The following XKR4 variants were observed in gnomAD, a reference collection of about 807,000 sequenced individuals.
XKR4 encodes the protein XK related 4, also known as XK-related protein 4.
XKR4 carries 12 observed loss-of-function variants against 53.9 expected under a neutral mutation model. The observed-to-expected ratio is 0.22, with a 90% CI of 0.14 to 0.36. The LOEUF (loss-of-function observed/expected upper bound fraction) is 0.36, where lower values mean the gene tolerates loss of function less well. Among genes scored for constraint, XKR4 ranks in the 10% least tolerant of loss-of-function variants. The pLI is 1.00. For missense variants in XKR4, 799 were observed against 859.5 expected (o/e 0.93, Z 0.88); for synonymous variants, 354 against 362.4 (o/e 0.98, Z 0.26).
At chr8:55,273,336 C>T (rs1360424441) in intron 1 of XKR4, among the ~76,000 whole-genome samples, 1 of 152,196 alleles carries the variant, frequency 6.6e-6, no homozygotes, top group East Asian at 1.9e-4. Flanking sequence ...TGTCCTTATT[C>T]ATTCCTAGGC....
intron 1 of XKR4, among the ~76,000 whole-genome samples, chr8:55,203,288 G>A (rs1252042508): frequency 2.0e-5 from 3 of 152,220 alleles, no homozygotes; most frequent in Non-Finnish European, 4.4e-5. Flanking sequence ...GTCCCCAACT[G>A]CATCTTCACA....
intron 1 of XKR4, among the ~76,000 whole-genome samples, chr8:55,144,360 CAAAA>C (rs1056139277): frequency 6.6e-6 from 1 of 151,000 alleles, no homozygotes; most frequent in Non-Finnish European, 1.5e-5. Flanking sequence ...GTATGGAAAA[CAAAA>C]AAAATTTACT....
At chr8:55,209,014 CT>C (rs1554569790) in intron 1 of XKR4, among the ~76,000 whole-genome samples, 3 of 152,146 alleles carry the variant, frequency 2.0e-5, no homozygotes, top group Non-Finnish European at 4.4e-5. Context: ...TTTTCTTGGT[CT>C]TTTTTTCTCT....
chr8:55,316,277 G>A (rs1214140913), intron 1 of XKR4, among the ~76,000 whole-genome samples: 1 of 152,164 alleles, frequency 6.6e-6, no homozygotes, highest in African/African-American at 2.4e-5. Context: ...CTTGTGACCA[G>A]TAGCACCGAT....
chr8:55,495,806 C>T (rs1806338171), intron 2 of XKR4, among the ~76,000 whole-genome samples: 1 of 152,268 alleles, frequency 6.6e-6, no homozygotes. Flanking sequence ...ACTGCTCCCG[C>T]AGCTGCTTCT....
At chr8:55,207,537 C>T (rs775131361) in intron 1 of XKR4, among the ~76,000 whole-genome samples, 3 of 152,154 alleles carry the variant, frequency 2.0e-5, no homozygotes, top group Non-Finnish European at 4.4e-5. Flanking sequence ...TCTTTATTAC[C>T]TTGTCATTAT....
At chr8:55,520,113 G>A (rs1806778029) in intron 2 of XKR4, among the ~76,000 whole-genome samples, 2 of 152,180 alleles carry the variant, frequency 1.3e-5, no homozygotes, top group Non-Finnish European at 2.9e-5. Flanking sequence ...GTCTGTCTTG[G>A]CATTGGAAAA....
intron 1 of XKR4, among the ~76,000 whole-genome samples, chr8:55,154,930 C>T (rs1158490609): frequency 1.3e-5 from 2 of 152,098 alleles, no homozygotes; most frequent in Non-Finnish European, 2.9e-5. Flanking sequence ...CATAAAATGT[C>T]GCTGGTGTAC....
intron 1 of XKR4, among the ~76,000 whole-genome samples, chr8:55,148,832 G>A (rs1267132460): frequency 6.6e-6 from 1 of 152,142 alleles, no homozygotes; most frequent in Non-Finnish European, 1.5e-5. Context: ...ATTTCCCAGA[G>A]CTGGACTGCA....
At chr8:55,464,139 A>G (rs1805715435) in intron 2 of XKR4, among the ~76,000 whole-genome samples, 1 of 152,206 alleles carries the variant, frequency 6.6e-6, no homozygotes, top group African/African-American at 2.4e-5. Context: ...GGCCAGGATC[A>G]TCCTGATACC....
At chr8:55,499,929 A>G (rs368228175) in intron 2 of XKR4, among the ~76,000 whole-genome samples, 2 of 152,194 alleles carry the variant, frequency 1.3e-5, no homozygotes, top group African/African-American at 4.8e-5. Flanking sequence ...TCTATATGAA[A>G]CAGAGTATGC....
chr8:55,203,440 C>T (rs985509884), intron 1 of XKR4, among the ~76,000 whole-genome samples: 12 of 152,174 alleles, frequency 7.9e-5, no homozygotes, highest in African/African-American at 2.9e-4. Flanking sequence ...CCCAAGTTCC[C>T]TGAAGATAAA....
At chr8:55,107,471 T>C (rs1816166990) in intron 1 of XKR4, among the ~76,000 whole-genome samples, 1 of 152,174 alleles carries the variant, frequency 6.6e-6, no homozygotes, top group African/African-American at 2.4e-5. Context: ...GATTAGGGGA[T>C]CTTTCCAATA....
intron 2 of XKR4, among the ~76,000 whole-genome samples, chr8:55,493,194 C>A (rs571221225): frequency 6.6e-6 from 1 of 152,234 alleles, no homozygotes; most frequent in African/African-American, 2.4e-5. Context: ...GCTAAAGGAG[C>A]AAAAATTGGG....
chr8:55,296,747 C>T (rs1204935803), intron 1 of XKR4, among the ~76,000 whole-genome samples: 2 of 151,822 alleles, frequency 1.3e-5, no homozygotes, highest in Non-Finnish European at 2.9e-5. Context: ...CAGAGGAGAC[C>T]CTAAGATTGG....
chr8:55,301,251 T>C (rs962249159), intron 1 of XKR4, among the ~76,000 whole-genome samples: 4 of 150,036 alleles, frequency 2.7e-5, no homozygotes, highest in African/African-American at 9.8e-5. Context: ...CGGTGTTTGG[T>C]TTTTTGTCCT....
intron 1 of XKR4, among the ~76,000 whole-genome samples, chr8:55,193,475 G>T (rs1817468917): frequency 6.6e-6 from 1 of 151,986 alleles, no homozygotes; most frequent in Non-Finnish European, 1.5e-5. Flanking sequence ...GCTGAGGCTG[G>T]GTCTCTCACT....
intron 1 of XKR4, among the ~76,000 whole-genome samples, chr8:55,245,770 A>G (rs992177300): frequency 2.6e-5 from 4 of 152,090 alleles, no homozygotes; most frequent in Non-Finnish European, 2.9e-5. Context: ...TCAACCCATC[A>G]TCAGCTCCAG....
At chr8:55,361,035 C>T (rs992858599) in intron 2 of XKR4, among the ~76,000 whole-genome samples, 13 of 152,298 alleles carry the variant, frequency 8.5e-5, no homozygotes, top group Admixed American at 6.5e-5. Flanking sequence ...CAGCTCTTCA[C>T]GCTCCACAGT....
Sources: allele counts gnomAD v4.1 joint callset (sites outside exome capture counted in the v4.1 genomes callset), GRCh38; gene constraint gnomAD v4.1.1; transcripts MANE v1.5; gene names NCBI Gene and HGNC (gene_info 2026-07-23, HGNC 2026-07-21).